Variants in BIRC6 observed in about 807,000 individuals in gnomAD.
BIRC6 encodes the protein baculoviral IAP repeat containing 6, also known as dual E2 ubiquitin-conjugating enzyme/E3 ubiquitin-protein ligase BIRC6.
Under a neutral mutation model 503.3 loss-of-function variants are expected in BIRC6, and 98 were observed. The observed-to-expected ratio is 0.19, with a 90% CI of 0.17 to 0.23. The LOEUF is 0.23. Among genes scored for constraint, BIRC6 ranks in the 10% least tolerant of loss-of-function variants. The probability of loss-of-function intolerance (pLI) is 1.00; values close to 1 mark genes in which losing one functional copy is unlikely to be tolerated. For synonymous variants in BIRC6, 2,240 were observed against 2,078.7 expected (o/e 1.08, Z -2.11); for missense variants, 5,360 against 5,806.0 (o/e 0.92, Z 2.50).
At chr2:32,468,312 C>G (rs1447472680) in intron 28 of BIRC6, 125 bp from the exon 29 acceptor site, 4 of 973,032 alleles carry the variant, frequency 4.1e-6, no homozygotes, top group Non-Finnish European at 6.0e-6. Flanking sequence ...TAGTACCTAT[C>G]AAGTGGGTAA....
chr2:32,414,750 A>G lies in BIRC6; in HGVS notation c.1478-19A>G. 1.4e-5 allele frequency: 23 copies of G among 1,590,786 alleles called. No homozygotes were observed. The highest frequency in any genetic ancestry group is 2.0e-5 in the Non-Finnish European group (23 of 1,163,752). On this transcript the variant is annotated intron_variant, in intron 9 of 73. Coordinates refer to ENST00000421745, the MANE Select transcript of BIRC6 (RefSeq NM_016252.4). ...GGATGAGTAGAAACATATCTAATGA[A>G]TATTGTTCCTTTTTAAAGGGCATAC...
intron 65 of BIRC6, 99 bp from the exon 66 acceptor site, chr2:32,575,057 G>A: frequency 1.5e-6 from 2 of 1,291,856 alleles, no homozygotes; most frequent in Non-Finnish European, 2.2e-6. Context: ...CGGGTCAGCT[G>A]TGGACCTTGG....
intron 3 of BIRC6, among the ~76,000 whole-genome samples, chr2:32,382,136 G>A (rs1216041191): frequency 6.6e-6 from 1 of 152,188 alleles, no homozygotes; most frequent in Non-Finnish European, 1.5e-5. Flanking sequence ...ACCTAGGTCT[G>A]GAGGAACAAA....
chr2:32,479,508 A>G lies in BIRC6; in HGVS notation c.7299A>G (p.Thr2433=). 1.2e-6 allele frequency: 2 copies of G among 1,605,478 alleles called. No homozygotes were observed. The highest frequency in any genetic ancestry group is 1.7e-6 in the Non-Finnish European group (2 of 1,175,762). The change falls in exon 37 of 74, where the codon ACA becomes ACG. Residue 2433 remains threonine, a synonymous_variant. Coordinates refer to ENST00000421745, the MANE Select transcript of BIRC6 (RefSeq NM_016252.4). ...CCGCAGAAGCCATGGAGGAAGGAAC[A>G]GTGGGTGATGATGTAGGTGCGACAG... ...PVAAEAMEEG[T]VGDDVGATAG... is the part of the protein sequence containing the mutation.
chr2:32,419,304 T>G (rs1574073864), intron 10 of BIRC6, among the ~76,000 whole-genome samples: 1 of 152,168 alleles, frequency 6.6e-6, no homozygotes, highest in African/African-American at 2.4e-5. Context: ...GAGAATCAAG[T>G]CTTTTCATAA....
In BIRC6 at chr2:32,470,254, T is replaced by C. The variant is rs764276166; in HGVS notation, c.6434T>C (p.Leu2145Ser). 110 of 1,573,830 alleles carry C rather than the reference T, an allele frequency of 7.0e-5. No homozygotes were observed. Among genetic ancestry groups the C allele is most frequent in the Non-Finnish European group, 9.1e-5 (105 of 1,158,004 alleles). Residue 2145 changes from leucine (L) to serine (S), a missense_variant, in exon 31 of 74, where the codon TTA becomes TCA. Leu to Ser is a moderately radical substitution (Grantham distance 145, BLOSUM62 -2). Transcript: ENST00000421745. ...LESLLNLLDN[L>S]LSPLQPQLPM... ...AGCTTACTTAATCTCTTGGATAATT[T>C]ATTGTCACCTCTTCAGCCACAGTTA... is the stretch of plus-strand genomic sequence containing the variant.
Position 32,617,942 on chromosome 2 carries a change from G to A in BIRC6, c.*38G>A, listed in dbSNP as rs766612893. 24 of 1,568,614 alleles carry A rather than the reference G, an allele frequency of 1.5e-5. No individual in the cohort carries two copies. The highest frequency in any genetic ancestry group is 5.8e-5 in the South Asian group (5 of 86,692). ...TGGACTTCATAGACACAAAGGCTTC[G>A]AAGCACAAGCCAAATATGTCAATAT... On this transcript the variant is annotated 3_prime_UTR_variant, in exon 74 of 74. Coordinates refer to ENST00000421745, the MANE Select transcript of BIRC6 (RefSeq NM_016252.4).
chr2:32,427,651 T>C (rs2043674240), intron 10 of BIRC6, among the ~76,000 whole-genome samples: 2 of 152,144 alleles, frequency 1.3e-5, no homozygotes, highest in Admixed American at 1.3e-4. Context: ...GTAATCTCTA[T>C]ACCCCTGGTT....
intron 62 of BIRC6, among the ~76,000 whole-genome samples, chr2:32,544,872 AT>A (rs559526731): frequency 1.3e-5 from 2 of 151,046 alleles, no homozygotes; most frequent in African/African-American, 2.4e-5. Context: ...ACTTGATCTG[AT>A]TTTTTTTTAA....
At chr2:32,609,285 C>CTG (rs58379253) in intron 72 of BIRC6, among the ~76,000 whole-genome samples, 8,237 of 147,582 alleles carry the variant, frequency 0.056, 332 homozygotes, top group African/African-American at 0.12. Context: ...AAGTGTGGCT[C>CTG]TGTGTGTGTG....
rs751461727 is a variant in BIRC6 at position 32,595,194 on chromosome 2, T to A, written c.13612+50T>A. ...TAAGATCTCACTTTCCATTTTTTTT[T>A]AACAGTGCTATTGAAATGTGTTTTA... On this transcript the variant is annotated intron_variant, in intron 68 of 73. Coordinates refer to ENST00000421745, the MANE Select transcript of BIRC6 (RefSeq NM_016252.4). 3.5e-6 allele frequency: 4 copies of A among 1,157,780 alleles called. No individual in the cohort carries two copies. The South Asian group carries it at 5.7e-5, about 16-fold the overall frequency. The allele number at this position is 1,157,780 out of a possible 1,614,324, so 71.7% of individuals were successfully genotyped here.
chr2:32,369,665 T>C (rs528005366), intron 1 of BIRC6, among the ~76,000 whole-genome samples: 1 of 151,890 alleles, frequency 6.6e-6, no homozygotes, highest in East Asian at 1.9e-4. Context: ...TGACCTCAAG[T>C]GATCCGCCCA....
chr2:32,464,913 A>G, intron 25 of BIRC6, 90 bp downstream of exon 25: 1 of 1,458,582 alleles, frequency 6.9e-7, no homozygotes, highest in Non-Finnish European at 9.2e-7. Context: ...TTTTAATACC[A>G]ACTAGATGTA....
intron 1 of BIRC6, among the ~76,000 whole-genome samples, chr2:32,370,007 TATATATGC>T (rs1325195051): frequency 7.2e-6 from 1 of 139,180 alleles, no homozygotes; most frequent in Non-Finnish European, 1.5e-5. Flanking sequence ...TGTGTGTGTA[TATATATGC>T]ATATATGTAT....
chr2:32,602,707 T>C (rs1452935473), intron 70 of BIRC6: 1 of 302,106 alleles, frequency 3.3e-6, no homozygotes, highest in Non-Finnish European at 6.0e-6. Flanking sequence ...TACAACTATG[T>C]GCTAATTAAA....
In BIRC6 at chr2:32,547,732, G is replaced by C. The variant is rs1320128588; in HGVS notation, c.12811-118G>C. 6 of 869,410 alleles carry C rather than the reference G, an allele frequency of 6.9e-6. No homozygotes were observed. The East Asian group carries it at 1.7e-4, about 25-fold the overall frequency. The allele number at this position is 869,410 out of a possible 1,614,324, so 53.9% of individuals were successfully genotyped here. ...CAGAAAATCTGTGTTCAATTTTTTT[G>C]AGCAGCCACCAAACTGTTTTCCATA... On this transcript the variant is annotated intron_variant, in intron 63 of 73. Transcript: ENST00000421745.
chr2:32,391,985 T>A, intron 4 of BIRC6, 54 bp from the exon 5 acceptor site: 1 of 1,208,028 alleles, frequency 8.3e-7, no homozygotes, highest in East Asian at 2.6e-5. Context: ...TAAATAGAAG[T>A]TTCACTGTGA....
intron 41 of BIRC6, 40 bp downstream of exon 41, chr2:32,487,841 T>C (rs1294074107): frequency 6.6e-7 from 1 of 1,526,264 alleles, no homozygotes. Context: ...TACATATTAT[T>C]GTTAGCCTGG....
At chr2:32,422,201 G>A (rs1404252902) in intron 10 of BIRC6, among the ~76,000 whole-genome samples, 1 of 151,996 alleles carries the variant, frequency 6.6e-6, no homozygotes, top group Non-Finnish European at 1.5e-5. Flanking sequence ...TCTCTTAGAT[G>A]CATATAATTA....
Sources: allele counts gnomAD v4.1 joint callset (sites outside exome capture counted in the v4.1 genomes callset), GRCh38; gene constraint gnomAD v4.1.1; transcripts MANE v1.5; gene names NCBI Gene and HGNC (gene_info 2026-07-23, HGNC 2026-07-21).